Variants in DPY19L2 observed in about 807,000 individuals in gnomAD.
The protein encoded by DPY19L2 is probable C-mannosyltransferase DPY19L2.
Under a neutral mutation model 97.9 loss-of-function variants are expected in DPY19L2, and 34 were observed. The observed-to-expected ratio is 0.35, with a 90% CI of 0.26 to 0.46. The LOEUF (loss-of-function observed/expected upper bound fraction) is 0.46, where lower values mean the gene tolerates loss of function less well. Among genes scored for constraint, DPY19L2 ranks in the 20% least tolerant of loss-of-function variants. The pLI, the probability that DPY19L2 is intolerant of heterozygous loss-of-function variation, is 1.00. For synonymous variants in DPY19L2, 230 were observed against 307.9 expected (o/e 0.75, Z 2.65); for missense variants, 623 against 911.4 (o/e 0.68, Z 4.07).
rs184120992 is a variant in DPY19L2, at chr12:63,635,302, A to C, written c.804-8776T>G. On this transcript the variant is annotated intron_variant, in intron 6 of 21. Transcript: ENST00000324472. The stretch of plus-strand genomic sequence containing the variant: ...CTATACGTCACCATCATCAAAGACC[A>C]AAGGGAGATAAAACCACAAAGATGG... Among the ~76,000 whole-genome samples the C allele has an allele frequency of 6.4e-3, 974 of 152,242 alleles. 7 individuals carry two copies. Among genetic ancestry groups the C allele is most frequent in the South Asian group, 0.031 (151 of 4,824 alleles).
rs1592348209 is a variant in DPY19L2 at position 63,560,799 on chromosome 12, T to C, written c.2127-137A>G. On this transcript the variant is annotated intron_variant, in intron 21 of 21. Coordinates refer to ENST00000324472, the MANE Select transcript of DPY19L2 (RefSeq NM_173812.5). ...TTTAAAGCGTCATTTCAAAAAACAA[T>C]TTCAATGTTTAGAAATTTAAAAAAT... The C allele has an allele frequency of 2.3e-6, 3 of 1,292,160 alleles. No individual in the cohort carries two copies. In the East Asian group the frequency reaches 7.7e-5, roughly 33 times the overall value. 80.0% of individuals were successfully genotyped at this position (1,292,160 alleles called of 1,614,324 possible). A position where few individuals can be genotyped will look rare whatever the true frequency, so the allele number is the denominator to read the frequency against.
intron 12 of DPY19L2, among the ~76,000 whole-genome samples, chr12:63,602,189 C>T (rs1294927112): frequency 2.6e-5 from 4 of 150,952 alleles, no homozygotes; most frequent in Non-Finnish European, 4.4e-5. Flanking sequence ...AAACCAAGAA[C>T]AGAAATGGGG....
chr12:63,637,806 T>C (rs1254522233), intron 6 of DPY19L2, among the ~76,000 whole-genome samples: 2 of 152,146 alleles, frequency 1.3e-5, no homozygotes, highest in African/African-American at 2.4e-5. Flanking sequence ...CCATTCCTTC[T>C]GAAACTATTC....
At chr12:63,625,397 G>GA (rs754194503) in intron 7 of DPY19L2, among the ~76,000 whole-genome samples, 184 of 131,986 alleles carry the variant, frequency 1.4e-3, no homozygotes, top group African/African-American at 2.0e-3. Context: ...ACTCTATCTT[G>GA]AAAAAAAAAA....
chr12:63,616,799 T>C (rs1274842723), intron 11 of DPY19L2, among the ~76,000 whole-genome samples: 1 of 152,198 alleles, frequency 6.6e-6, no homozygotes, highest in Non-Finnish European at 1.5e-5. Flanking sequence ...ATGACTTTAC[T>C]GTCACACCAT....
At chr12:63,660,159 C>T (rs1344544707) in intron 4 of DPY19L2, among the ~76,000 whole-genome samples, 1 of 152,060 alleles carries the variant, frequency 6.6e-6, no homozygotes, top group Non-Finnish European at 1.5e-5. Flanking sequence ...TCTATAACAA[C>T]AATTCCACTT....
At chr12:63,611,766 C>G (rs1887041990) in intron 11 of DPY19L2, among the ~76,000 whole-genome samples, 1 of 151,968 alleles carries the variant, frequency 6.6e-6, no homozygotes, top group African/African-American at 2.4e-5. Flanking sequence ...AACATAGGCT[C>G]CATGAACCAC....
intron 16 of DPY19L2, among the ~76,000 whole-genome samples, chr12:63,587,566 T>TATC (rs1555185979): frequency 8.6e-6 from 1 of 116,588 alleles, no homozygotes; most frequent in Non-Finnish European, 1.8e-5. Context: ...AAATTATTAT[T>TATC]ATTATTATTA....
At chr12:63,657,962 CCTT>C (rs1190874691) in intron 4 of DPY19L2, among the ~76,000 whole-genome samples, 1 of 152,152 alleles carries the variant, frequency 6.6e-6, no homozygotes, top group Non-Finnish European at 1.5e-5. Context: ...AGGCACCTGT[CCTT>C]CTTGAAATTT....
At position 63,576,181 on chromosome 12, in the gene DPY19L2, G is replaced by C. The variant is rs573834909; in HGVS notation, c.1900+4481C>G. 1.2e-3 allele frequency among the ~76,000 whole-genome samples: 187 copies of C among 151,950 alleles called. 1 individual carries two copies. The highest frequency in any genetic ancestry group is 2.1e-3 in the Non-Finnish European group (143 of 67,812). The stretch of plus-strand genomic sequence containing the variant: ...TACGTCATATCAACACAATGAAGGG[G>C]AAAAATCATATGATCATCTCATCTC... On this transcript the variant is annotated intron_variant, in intron 19 of 21. Coordinates refer to ENST00000324472, the MANE Select transcript of DPY19L2 (RefSeq NM_173812.5).
chr12:63,613,648 A>G (rs545685987), intron 11 of DPY19L2, among the ~76,000 whole-genome samples: 1 of 152,122 alleles, frequency 6.6e-6, no homozygotes, highest in Non-Finnish European at 1.5e-5. Flanking sequence ...AGCTGACAGA[A>G]ATCAAATAAT....
chr12:63,610,841 CAA>C (rs56044043), intron 11 of DPY19L2, among the ~76,000 whole-genome samples: 1,016 of 10,746 alleles, frequency 0.095, 7 homozygotes, highest in Middle Eastern at 0.25. Context: ...ATGAATATAG[CAA>C]AAAAAAAAAA....
intron 16 of DPY19L2, among the ~76,000 whole-genome samples, chr12:63,590,002 C>T (rs923408342): frequency 1.3e-5 from 2 of 152,010 alleles, no homozygotes; most frequent in Non-Finnish European, 2.9e-5. Flanking sequence ...ATGACGGGTG[C>T]CTGTTATCCC....
chr12:63,621,572 T>C (rs1421526667), intron 8 of DPY19L2, among the ~76,000 whole-genome samples: 1 of 152,170 alleles, frequency 6.6e-6, no homozygotes, highest in Non-Finnish European at 1.5e-5. Flanking sequence ...CCATTAAATA[T>C]TTTAAATACA....
At chr12:63,631,526 T>A (rs1890642401) in intron 6 of DPY19L2, among the ~76,000 whole-genome samples, 1 of 152,042 alleles carries the variant, frequency 6.6e-6, no homozygotes, top group African/African-American at 2.4e-5. Flanking sequence ...AGAATTTGAA[T>A]CTCTGAATAG....
chr12:63,638,492 T>C (rs1158427303), intron 6 of DPY19L2, among the ~76,000 whole-genome samples: 7 of 152,178 alleles, frequency 4.6e-5, no homozygotes, highest in Non-Finnish European at 1.0e-4. Flanking sequence ...CTTAAGCTGA[T>C]AGGCAACTTC....
intron 4 of DPY19L2, among the ~76,000 whole-genome samples, chr12:63,658,469 G>C (rs1433336095): frequency 6.6e-6 from 1 of 152,136 alleles, no homozygotes; most frequent in East Asian, 1.9e-4. Flanking sequence ...ACTTCAACCT[G>C]GGCAATGAAG....
intron 4 of DPY19L2, 135 bp downstream of exon 4, chr12:63,661,209 T>C: frequency 1.2e-6 from 1 of 819,822 alleles, no homozygotes; most frequent in South Asian, 3.5e-5. Context: ...TATGATATTC[T>C]ACTCAACTAT....
chr12:63,587,861 G>T (rs1006899245), intron 16 of DPY19L2, among the ~76,000 whole-genome samples: 1 of 151,978 alleles, frequency 6.6e-6, no homozygotes, highest in Non-Finnish European at 1.5e-5. Flanking sequence ...ATGAGCCACC[G>T]AACCCGGCCT....
Sources: gnomAD v4.1 joint callset for allele counts (sites outside exome capture counted in the v4.1 genomes callset) on GRCh38, gnomAD v4.1.1 for gene constraint, MANE v1.5 for transcripts, NCBI Gene and HGNC (gene_info 2026-07-23, HGNC 2026-07-21) for gene names.